Variants in SNX30 observed in about 807,000 individuals in gnomAD.
The protein encoded by SNX30 is sorting nexin family member 30, also known as sorting nexin-30.
In SNX30, 24 loss-of-function variants were observed where a neutral mutation model predicts 46.4. That is an observed-to-expected ratio of 0.52 (90% confidence interval 0.37 to 0.73). SNX30 has a LOEUF of 0.73. Ranked by LOEUF, SNX30 falls within the 30% of genes least tolerant of loss-of-function variation. The pLI, the probability that SNX30 is intolerant of heterozygous loss-of-function variation, is 0.00. For missense variants in SNX30, 533 were observed against 555.7 expected, an observed-to-expected ratio of 0.96 and a Z score of 0.41; for synonymous variants, 189 against 211.5, an observed-to-expected ratio of 0.89 and a Z score of 0.92.
At chr9:112,782,902 T>C (rs1564267347) in intron 1 of SNX30, among the ~76,000 whole-genome samples, 1 of 152,260 alleles carries the variant, frequency 6.6e-6, no homozygotes. Context: ...GGCCTCGTTT[T>C]ATTTTTCCGG....
chr9:112,876,626 C>A (rs1451601170), downstream of SNX30, among the ~76,000 whole-genome samples: 1 of 150,454 alleles, frequency 6.6e-6, no homozygotes, highest in East Asian at 2.0e-4. Flanking sequence ...AAGGACAGGA[C>A]CTTGGAGGCC....
At position 112,804,897 on chromosome 9, in the gene SNX30, T is replaced by C. The variant is rs1391086706; in HGVS notation, c.278T>C (p.Val93Ala). ...GATGGTGAGACTAGAGATCTCTTCG[T>C]TATAGTTGATGATCCCAAGAAGCAT... ...DIDGETRDLFVIVDDPKKHVC... is the reference protein window; with the variant it reads ...DIDGETRDLFAIVDDPKKHVC... The change falls in exon 2 of 9, where the codon GTT becomes GCT. Residue 93 changes from valine (V) to alanine (A), a missense_variant. Transcript: ENST00000374232. The C allele has an allele frequency of 2.5e-6, 4 of 1,613,968 alleles. No individual in the cohort carries two copies. The highest frequency in any genetic ancestry group is 3.4e-6 in the Non-Finnish European group (4 of 1,179,914).
intron 1 of SNX30, among the ~76,000 whole-genome samples, chr9:112,796,289 C>T (rs1161810223): frequency 6.6e-6 from 1 of 152,216 alleles, no homozygotes; most frequent in African/African-American, 2.4e-5. Flanking sequence ...TAAGGGAGGG[C>T]CCCTGTGATG....
At chr9:112,852,970 C>T (rs1215753874) in intron 7 of SNX30, among the ~76,000 whole-genome samples, 1 of 152,118 alleles carries the variant, frequency 6.6e-6, no homozygotes, top group African/African-American at 2.4e-5. Flanking sequence ...TTTGTAGTGT[C>T]CTTAATGTTA....
intron 2 of SNX30, among the ~76,000 whole-genome samples, chr9:112,813,313 C>CA (rs937464961): frequency 1.8e-4 from 28 of 151,402 alleles, no homozygotes; most frequent in Non-Finnish European, 3.2e-4. Context: ...AAAAAACAAA[C>CA]AAAAAAACCA....
At chr9:112,816,102 T>G (rs556280380) in intron 2 of SNX30, among the ~76,000 whole-genome samples, 1 of 152,278 alleles carries the variant, frequency 6.6e-6, no homozygotes, top group African/African-American at 2.4e-5. Flanking sequence ...CTTCTTGGCC[T>G]CTTAAAGGGC....
intron 1 of SNX30, among the ~76,000 whole-genome samples, chr9:112,787,261 T>C (rs1007452674): frequency 2.0e-5 from 3 of 152,186 alleles, no homozygotes; most frequent in African/African-American, 7.2e-5. Flanking sequence ...GCCACAAAAC[T>C]AGTACTGTAC....
chr9:112,854,452 C>T (rs1841086481), intron 7 of SNX30, among the ~76,000 whole-genome samples: 1 of 152,226 alleles, frequency 6.6e-6, no homozygotes, highest in Non-Finnish European at 1.5e-5. Flanking sequence ...GGGTTTGCCC[C>T]AGTCCGTGAA....
chr9:112,807,052 CTTTTTTTTTTTTTTTTTTTTT>C (rs10554051), intron 2 of SNX30, among the ~76,000 whole-genome samples: 1 of 63,006 alleles, frequency 1.6e-5, no homozygotes, highest in Non-Finnish European at 2.6e-5. Flanking sequence ...TCTTTTCTAT[CTTTTTTTTTTTTTTTTTTTTT>C]TTTTTTTTTG....
At chr9:112,853,096 T>G (rs997521207) in intron 7 of SNX30, among the ~76,000 whole-genome samples, 4 of 152,208 alleles carry the variant, frequency 2.6e-5, no homozygotes, top group African/African-American at 9.6e-5. Flanking sequence ...TTGCCCAGCC[T>G]CTTTGATGCC....
downstream of SNX30, chr9:112,878,104 C>CAATT (rs1256247763): frequency 6.6e-6 from 1 of 152,240 alleles, no homozygotes; most frequent in Non-Finnish European, 1.5e-5. Context: ...CTCCTTCCAC[C>CAATT]AATTCATTGT....
intron 1 of SNX30, among the ~76,000 whole-genome samples, chr9:112,791,753 G>A (rs1840028402): frequency 6.6e-6 from 1 of 152,084 alleles, no homozygotes; most frequent in Non-Finnish European, 1.5e-5. Context: ...AGATTTAAAT[G>A]GAATGGCTGA....
At chr9:112,758,958 C>T (rs184501740) in intron 1 of SNX30, among the ~76,000 whole-genome samples, 42 of 152,180 alleles carry the variant, frequency 2.8e-4, no homozygotes, top group Middle Eastern at 3.4e-3. Context: ...CACACACACG[C>T]GCGCACGTGC....
rs1841492854 is a variant in SNX30 at position 112,874,493 on chromosome 9, A to G, written c.*5650A>G. ...TGTCCACATTATGGACTGTCATCTT[A>G]TTTTTAAAAGTCATTCTTTACGTTT... is the stretch of plus-strand genomic sequence containing the variant. On this transcript the variant is annotated 3_prime_UTR_variant, in exon 9 of 9. Transcript: ENST00000374232. The G allele has an allele frequency of 1.3e-5, 2 of 152,232 alleles. No individual in the cohort carries two copies. Among genetic ancestry groups the G allele is most frequent in the African/African-American group, 4.8e-5 (2 of 41,460 alleles). The allele number at this position is 152,232 out of a possible 1,614,324, so 9.4% of individuals were successfully genotyped here. A position where few individuals can be genotyped will look rare whatever the true frequency, so the allele number is the denominator to read the frequency against.
rs190472261 is a variant in SNX30, at chr9:112,759,495, C to T, written c.156+8338C>T. ...TTGTAATCCTAGCACTTTGGGAGGC[C>T]GAGGCAGGCAGATCACAAGGTCAAG... On this transcript the variant is annotated intron_variant, in intron 1 of 8. Coordinates refer to ENST00000374232, the MANE Select transcript of SNX30 (RefSeq NM_001012994.2). 5.9e-5 allele frequency among the ~76,000 whole-genome samples: 9 copies of T among 152,080 alleles called. No homozygotes were observed. The South Asian group carries it at 8.3e-4, about 14-fold the overall frequency.
chr9:112,792,098 G>A (rs1365991155), intron 1 of SNX30, among the ~76,000 whole-genome samples: 2 of 152,094 alleles, frequency 1.3e-5, no homozygotes. Context: ...AAAGGTTTCT[G>A]CATTTTAAAA....
intron 6 of SNX30, among the ~76,000 whole-genome samples, chr9:112,843,862 G>A (rs1182608967): frequency 1.3e-5 from 2 of 152,080 alleles, no homozygotes; most frequent in Non-Finnish European, 2.9e-5. Context: ...ATCCACCCAC[G>A]TTGGCCTCCC....
At position 112,772,345 on chromosome 9, in the gene SNX30, G is replaced by A. The variant is rs190022432; in HGVS notation, c.156+21188G>A. On this transcript the variant is annotated intron_variant, in intron 1 of 8. Coordinates refer to ENST00000374232, the MANE Select transcript of SNX30 (RefSeq NM_001012994.2). ...GCAGTTGAGTTGCCTTCACTCTTCT[G>A]CTGTAACCAGATCCTCCTCTCCAGG... Among the ~76,000 whole-genome samples, 357 of 152,308 alleles carry A rather than the reference G, an allele frequency of 2.3e-3. 1 individual carries two copies. The highest frequency in any genetic ancestry group is 4.4e-3 in the Non-Finnish European group (298 of 68,024).
intron 1 of SNX30, among the ~76,000 whole-genome samples, chr9:112,753,965 A>G (rs892084247): frequency 2.6e-5 from 4 of 152,236 alleles, no homozygotes; most frequent in Admixed American, 6.5e-5. Flanking sequence ...CCTCAGCAGC[A>G]TGAGGGTCAT....
Sources: gnomAD v4.1 joint callset for allele counts (sites outside exome capture counted in the v4.1 genomes callset) on GRCh38, gnomAD v4.1.1 for gene constraint, MANE v1.5 for transcripts, NCBI Gene and HGNC (gene_info 2026-07-23, HGNC 2026-07-21) for gene names.